The following RORA variants were observed in gnomAD, a reference collection of about 807,000 sequenced individuals.
RORA encodes RAR related orphan receptor A, also known as nuclear receptor ROR-alpha.
Under a neutral mutation model 69.5 loss-of-function variants are expected in RORA, and 7 were observed. The observed-to-expected ratio is 0.10, with a 90% CI of 0.06 to 0.19. The LOEUF (loss-of-function observed/expected upper bound fraction) is 0.19, where lower values mean the gene tolerates loss of function less well. RORA is among the 10% of genes least tolerant of loss of function. RORA has a pLI of 1.00. For synonymous variants in RORA, 261 were observed against 240.8 expected (o/e 1.08, Z -0.78); for missense variants, 457 against 663.0 (o/e 0.69, Z 3.41).
chr15:60,816,128 GTATTTA>G (rs1406327980), intron 1 of RORA, among the ~76,000 whole-genome samples: 5 of 125,902 alleles, frequency 4.0e-5, no homozygotes, highest in Admixed American at 1.7e-4. Context: ...AACAGTATAT[GTATTTA>G]TATACTGTAA....
chr15:60,822,312 C>A (rs1395260124), intron 1 of RORA, among the ~76,000 whole-genome samples: 1 of 152,124 alleles, frequency 6.6e-6, no homozygotes, highest in Admixed American at 6.5e-5. Context: ...TTCACCAGAG[C>A]AGAACTGGAA....
intron 1 of RORA, among the ~76,000 whole-genome samples, chr15:61,017,524 T>C (rs1305577782): frequency 6.6e-6 from 1 of 152,070 alleles, no homozygotes; most frequent in African/African-American, 2.4e-5. Context: ...AAAAAAAAGA[T>C]GTACATATAT....
chr15:60,668,356 AGTT>A (rs2070411497), intron 2 of RORA, among the ~76,000 whole-genome samples: 1 of 152,264 alleles, frequency 6.6e-6, no homozygotes, highest in African/African-American at 2.4e-5. Context: ...AACCCTAGAC[AGTT>A]GTCTCTAAGG....
chr15:60,825,024 T>C (rs1378530642), intron 1 of RORA, among the ~76,000 whole-genome samples: 1 of 152,250 alleles, frequency 6.6e-6, no homozygotes, highest in Non-Finnish European at 1.5e-5. Flanking sequence ...CTACTGCTGA[T>C]ACCTGGGACT....
chr15:60,812,417 G>A (rs2072757241), intron 1 of RORA, among the ~76,000 whole-genome samples: 1 of 152,148 alleles, frequency 6.6e-6, no homozygotes, highest in South Asian at 2.1e-4. Flanking sequence ...GGCTGAGGTG[G>A]AAGAATTGCT....
At chr15:60,542,898 C>T (rs147199501) in intron 2 of RORA, among the ~76,000 whole-genome samples, 41 of 151,184 alleles carry the variant, frequency 2.7e-4, no homozygotes, top group African/African-American at 8.5e-4. Flanking sequence ...ATACACCACA[C>T]GCACCACAGA....
rs148306630 is a variant in RORA, at chr15:60,882,808, G to A, written c.167-204122C>T. Among the ~76,000 whole-genome samples, 95 of 152,140 alleles carry A rather than the reference G, an allele frequency of 6.2e-4. 2 individuals are homozygous for A. The highest frequency in any genetic ancestry group is 2.3e-3 in the African/African-American group (95 of 41,494). Reference sequence around the variant, plus strand: ...TTGTTTGGTTTGTTACTTTTGTTTTGCTTTACAATAAGTACTTACTGATTT... The same window carrying A: ...TTGTTTGGTTTGTTACTTTTGTTTTACTTTACAATAAGTACTTACTGATTT... On this transcript the variant is annotated intron_variant, in intron 1 of 10. Transcript: ENST00000335670.
At chr15:60,803,318 C>G (rs148150207) in intron 1 of RORA, among the ~76,000 whole-genome samples, 1 of 152,150 alleles carries the variant, frequency 6.6e-6, no homozygotes, top group Non-Finnish European at 1.5e-5. Context: ...GAAGAACCTA[C>G]GCAATTCTTC....
At chr15:60,567,653 C>T (rs185913030) in intron 2 of RORA, among the ~76,000 whole-genome samples, 27 of 152,168 alleles carry the variant, frequency 1.8e-4, no homozygotes, top group African/African-American at 5.3e-4. Context: ...TTAAGTGATC[C>T]GCCTGCCTTG....
chr15:60,880,672 C>G (rs2073669435), intron 1 of RORA, among the ~76,000 whole-genome samples: 1 of 152,162 alleles, frequency 6.6e-6, no homozygotes, highest in African/African-American at 2.4e-5. Flanking sequence ...TCATTTGATT[C>G]AACCTATTTT....
chr15:61,153,428 G>T (rs1160207166), intron 1 of RORA, among the ~76,000 whole-genome samples: 1 of 152,138 alleles, frequency 6.6e-6, no homozygotes, highest in East Asian at 1.9e-4. Flanking sequence ...AATGGCACAG[G>T]CTGGACAGAG....
intron 1 of RORA, among the ~76,000 whole-genome samples, chr15:61,065,232 T>A (rs2078240489): frequency 6.6e-6 from 1 of 152,230 alleles, no homozygotes; most frequent in Admixed American, 6.5e-5. Flanking sequence ...AAATGTACTA[T>A]AACTGTTTGT....
chr15:60,535,466 G>T (rs982421063), intron 2 of RORA, among the ~76,000 whole-genome samples: 1 of 152,198 alleles, frequency 6.6e-6, no homozygotes, highest in African/African-American at 2.4e-5. Context: ...GACAACAAGT[G>T]GCAGCGGGCA....
chr15:61,160,951 T>G (rs2079489841), intron 1 of RORA, among the ~76,000 whole-genome samples: 1 of 152,178 alleles, frequency 6.6e-6, no homozygotes, highest in South Asian at 2.1e-4. Flanking sequence ...AAACCCACTT[T>G]GCACTGGGGC....
At chr15:60,510,383 T>C (rs773156248) in intron 5 of RORA, 1 of 152,216 alleles carries the variant, frequency 6.6e-6, no homozygotes, top group African/African-American at 2.4e-5. Flanking sequence ...AAGTTGCCCA[T>C]TGTCTGTGTT....
chr15:60,730,729 AT>A (rs1308454085), intron 1 of RORA, among the ~76,000 whole-genome samples: 3 of 152,164 alleles, frequency 2.0e-5, no homozygotes, highest in African/African-American at 7.2e-5. Context: ...TTCCAAGTCA[AT>A]ATATCTATAT....
At chr15:60,821,214 G>C (rs1444988439) in intron 1 of RORA, among the ~76,000 whole-genome samples, 1 of 152,112 alleles carries the variant, frequency 6.6e-6, no homozygotes, top group Non-Finnish European at 1.5e-5. Flanking sequence ...ACTGATCATT[G>C]GCTGCAGTGT....
chr15:60,571,245 AG>A (rs1253104430), intron 2 of RORA, among the ~76,000 whole-genome samples: 2 of 152,094 alleles, frequency 1.3e-5, no homozygotes, highest in Non-Finnish European at 2.9e-5. Context: ...CTCAGCATGA[AG>A]GGACACTGTT....
chr15:60,515,924 TA>T (rs1567050628), intron 3 of RORA, among the ~76,000 whole-genome samples: 32 of 55,986 alleles, frequency 5.7e-4, no homozygotes, highest in Middle Eastern at 0.02. Context: ...TTTATATATA[TA>T]TTTATATATA....
Sources: gnomAD v4.1 joint callset for allele counts (sites outside exome capture counted in the v4.1 genomes callset) on GRCh38, gnomAD v4.1.1 for gene constraint, MANE v1.5 for transcripts, NCBI Gene and HGNC (gene_info 2026-07-23, HGNC 2026-07-21) for gene names.